Variants in NOS1AP observed in about 807,000 individuals in gnomAD.
The protein encoded by NOS1AP is nitric oxide synthase 1 adaptor protein, also known as carboxyl-terminal PDZ ligand of neuronal nitric oxide synthase protein.
In NOS1AP, 21 loss-of-function variants were observed where a neutral mutation model predicts 56.2. The observed-to-expected ratio is 0.37, with a 90% CI of 0.26 to 0.54. The LOEUF is 0.54. Ranked by LOEUF, NOS1AP falls within the 20% of genes least tolerant of loss-of-function variation. The probability of loss-of-function intolerance (pLI) is 0.84; values close to 1 mark genes in which losing one functional copy is unlikely to be tolerated. For synonymous variants in NOS1AP, 270 were observed against 274.6 expected (o/e 0.98, Z 0.17); for missense variants, 522 against 657.8 (o/e 0.79, Z 2.26).
At chr1:162,164,761 C>G (rs1650400762) in intron 2 of NOS1AP, among the ~76,000 whole-genome samples, 2 of 152,134 alleles carry the variant, frequency 1.3e-5, no homozygotes, top group Admixed American at 1.3e-4. Context: ...GACACAGGGT[C>G]TGGTGTGTGG....
intron 2 of NOS1AP, among the ~76,000 whole-genome samples, chr1:162,197,817 G>A (rs116491848): frequency 4.1e-4 from 63 of 152,328 alleles, no homozygotes; most frequent in Non-Finnish European, 8.1e-4. Context: ...TAGGGTGTGC[G>A]GCAGGGCTAC....
At chr1:162,366,759 T>G in intron 9 of NOS1AP, 1 of 517,228 alleles carries the variant, frequency 1.9e-6, no homozygotes. Context: ...ATTGGTACCT[T>G]TTTCCTACCA....
chr1:162,175,681 T>C (rs1345910431), intron 2 of NOS1AP, among the ~76,000 whole-genome samples: 2 of 152,174 alleles, frequency 1.3e-5, no homozygotes, highest in South Asian at 2.1e-4. Flanking sequence ...TCTCAGCAGA[T>C]AGAGCAATGA....
At chr1:162,186,717 G>A (rs1571110384) in intron 2 of NOS1AP, among the ~76,000 whole-genome samples, 1 of 152,164 alleles carries the variant, frequency 6.6e-6, no homozygotes, top group Non-Finnish European at 1.5e-5. Flanking sequence ...CAAGAAGCAG[G>A]CCCTCACCAG....
At chr1:162,095,814 G>C (rs1359055456) in intron 1 of NOS1AP, among the ~76,000 whole-genome samples, 6 of 152,182 alleles carry the variant, frequency 3.9e-5, no homozygotes, top group African/African-American at 1.4e-4. Context: ...TTAACTGATA[G>C]AATGAAGTAA....
intron 2 of NOS1AP, among the ~76,000 whole-genome samples, chr1:162,155,326 G>A (rs1233880114): frequency 1.4e-5 from 2 of 145,318 alleles, no homozygotes; most frequent in African/African-American, 5.0e-5. Flanking sequence ...ATATATGTAT[G>A]TGTATATGTA....
At chr1:162,281,739 T>C (rs541037168) in intron 2 of NOS1AP, among the ~76,000 whole-genome samples, 2 of 152,234 alleles carry the variant, frequency 1.3e-5, no homozygotes, top group African/African-American at 2.4e-5. Flanking sequence ...AGAATTTAAG[T>C]GGACTTGCCG....
intron 1 of NOS1AP, among the ~76,000 whole-genome samples, chr1:162,085,775 A>G (rs1327693759): frequency 6.6e-6 from 1 of 152,212 alleles, no homozygotes; most frequent in East Asian, 1.9e-4. Flanking sequence ...TGTCAGCCTC[A>G]CTGGGAAGAT....
At chr1:162,359,012 G>A (rs1657797070) in intron 8 of NOS1AP, among the ~76,000 whole-genome samples, 1 of 152,144 alleles carries the variant, frequency 6.6e-6, no homozygotes, top group Non-Finnish European at 1.5e-5. Flanking sequence ...TAGTTTTCTG[G>A]TATAGAATCA....
At position 162,367,266 on chromosome 1, in the gene NOS1AP, G is replaced by C. The variant is rs1658123025; in HGVS notation, c.1320G>C (p.Pro440=). 3.7e-6 allele frequency: 6 copies of C among 1,613,446 alleles called. No homozygotes were observed. Among genetic ancestry groups the C allele is most frequent in the Non-Finnish European group, 5.1e-6 (6 of 1,179,948 alleles). Residue 440 remains proline (P), a synonymous_variant, in exon 10 of 10, where the codon CCG becomes CCC. Transcript: ENST00000361897. The surrounding 1 kb of genome is among the most constrained non-coding windows in gnomAD (Gnocchi z 6.5). ...CFRFLPPEDT[P]PPAQGEALLG... ...GCTTTCTTCCGCCCGAGGACACCCC[G>C]CCCCCAGCGCAGGGCGAGGCGCTCC... is the stretch of plus-strand genomic sequence containing the variant.
intron 2 of NOS1AP, among the ~76,000 whole-genome samples, chr1:162,184,446 C>T (rs1651361808): frequency 6.6e-6 from 1 of 152,154 alleles, no homozygotes; most frequent in South Asian, 2.1e-4. Flanking sequence ...TGCCGCAAAC[C>T]TTTAATTTGT....
At chr1:162,123,566 A>G (rs995779985) in intron 1 of NOS1AP, among the ~76,000 whole-genome samples, 4 of 152,246 alleles carry the variant, frequency 2.6e-5, no homozygotes, top group African/African-American at 9.6e-5. Flanking sequence ...TGTCTTTTGC[A>G]TATGTAAAAA....
At chr1:162,131,708 T>C (rs1648755583) in intron 1 of NOS1AP, among the ~76,000 whole-genome samples, 1 of 152,134 alleles carries the variant, frequency 6.6e-6, no homozygotes, top group Non-Finnish European at 1.5e-5. Flanking sequence ...TGGACCATTC[T>C]GTGAGCTCCA....
At chr1:162,226,785 C>A (rs1467682819) in intron 2 of NOS1AP, among the ~76,000 whole-genome samples, 1 of 152,168 alleles carries the variant, frequency 6.6e-6, no homozygotes, top group African/African-American at 2.4e-5. Context: ...TGGTAAATAT[C>A]CCCATTAGCA....
chr1:162,158,832 G>T (rs1650079344), intron 2 of NOS1AP, among the ~76,000 whole-genome samples: 1 of 152,208 alleles, frequency 6.6e-6, no homozygotes, highest in African/African-American at 2.4e-5. Flanking sequence ...CTCGCTCTTT[G>T]TTTACCAAGG....
intron 6 of NOS1AP, among the ~76,000 whole-genome samples, chr1:162,347,658 C>A (rs150609092): frequency 5.8e-4 from 89 of 152,288 alleles, no homozygotes; most frequent in African/African-American, 2.1e-3. Flanking sequence ...ACTTCTGGCC[C>A]CTGCAGTGGT....
chr1:162,179,171 G>A (rs4557942), intron 2 of NOS1AP, among the ~76,000 whole-genome samples: 82,707 of 152,036 alleles, frequency 0.54, 25,214 homozygotes, highest in African/African-American at 0.82. Flanking sequence ...TGTAACAAAT[G>A]TTTATATAGT....
intron 2 of NOS1AP, among the ~76,000 whole-genome samples, chr1:162,176,144 G>C (rs1470225250): frequency 6.6e-6 from 1 of 151,910 alleles, no homozygotes; most frequent in Non-Finnish European, 1.5e-5. Flanking sequence ...TTCCATCCTG[G>C]GATCCTTGGC....
chr1:162,141,682 C>T (rs948638929), intron 1 of NOS1AP, among the ~76,000 whole-genome samples: 1 of 152,168 alleles, frequency 6.6e-6, no homozygotes, highest in Non-Finnish European at 1.5e-5. Flanking sequence ...TTCTTTCCAC[C>T]TTTTGGTTAG....
Sources: allele counts gnomAD v4.1 joint callset (sites outside exome capture counted in the v4.1 genomes callset), GRCh38; gene constraint gnomAD v4.1.1; non-coding constraint Gnocchi (gnomAD v3.1); transcripts MANE v1.5; gene names NCBI Gene and HGNC (gene_info 2026-07-23, HGNC 2026-07-21).